Variants in CACNG5 observed in about 807,000 individuals in gnomAD.
The protein encoded by CACNG5 is voltage-dependent calcium channel gamma-5 subunit.
Under a neutral mutation model 24.8 loss-of-function variants are expected in CACNG5, and 18 were observed. That is an observed-to-expected ratio of 0.73 (90% confidence interval 0.50 to 1.08). The LOEUF (loss-of-function observed/expected upper bound fraction) is 1.08. CACNG5 is among the 50% of genes least tolerant of loss of function. CACNG5 has a pLI of 0.00. For synonymous variants in CACNG5, 157 were observed against 149.1 expected (o/e 1.05, Z -0.39); for missense variants, 349 against 367.9 (o/e 0.95, Z 0.42).
At chr17:66,846,583 T>G (rs989327697) in intron 1 of CACNG5, among the ~76,000 whole-genome samples, 1 of 152,244 alleles carries the variant, frequency 6.6e-6, no homozygotes, top group Non-Finnish European at 1.5e-5. Context: ...ATTTTATGGC[T>G]GGATAATATT....
rs150302406 is a variant in CACNG5, at chr17:66,885,224, C to T, written c.812C>T (p.Ser271Phe). 15 of 1,590,096 alleles carry T rather than the reference C, an allele frequency of 9.4e-6. No individual in the cohort carries two copies. In the African/African-American group the frequency reaches 1.3e-4, roughly 14 times the overall value. Residue 271 changes from serine (S) to phenylalanine (F), a missense_variant, in exon 6 of 6, where the codon TCC (serine) becomes TTC (phenylalanine). Coordinates refer to ENST00000533854, the MANE Select transcript of CACNG5 (RefSeq NM_145811.3). ...AAGTGCCCCGACTATGATCAGATGT[C>T]CTCTTCACCCTGCTGAGCCTCGGCC... Reference protein sequence around the residue: ...LLKCPDYDQMSSSPC With the variant: ...LLKCPDYDQMFSSPC
intron 1 of CACNG5, among the ~76,000 whole-genome samples, chr17:66,873,936 G>GTTTTTTTT: frequency 6.9e-6 from 1 of 144,526 alleles, no homozygotes. Context: ...CTCACAAGCT[G>GTTTTTTTT]TTTTTTTTTT....
Position 66,888,139 on chromosome 17 carries a change from C to A in CACNG5, c.*2899C>A, listed in dbSNP as rs1274721113. Among the ~76,000 whole-genome samples the A allele has an allele frequency of 2.0e-5, 3 of 149,888 alleles. No homozygotes were observed. The highest frequency in any genetic ancestry group is 4.9e-5 in the African/African-American group (2 of 40,720). On this transcript the variant is annotated 3_prime_UTR_variant, in exon 6 of 6. Coordinates refer to ENST00000533854, the MANE Select transcript of CACNG5 (RefSeq NM_145811.3). The stretch of plus-strand genomic sequence containing the variant: ...GGGGTAATCAGCCATTAACAGAGAA[C>A]AATCTGACATTGGTTCCCCCACACC...
intron 1 of CACNG5, among the ~76,000 whole-genome samples, chr17:66,868,639 T>C (rs988125045): frequency 6.6e-6 from 1 of 152,172 alleles, no homozygotes; most frequent in Non-Finnish European, 1.5e-5. Flanking sequence ...AGAGCAGGAC[T>C]GTAATGACAC....
At chr17:66,878,801 G>A (rs1471183479) in intron 2 of CACNG5, among the ~76,000 whole-genome samples, 171 bp from the exon 3 acceptor site, 1 of 152,200 alleles carries the variant, frequency 6.6e-6, no homozygotes, top group Non-Finnish European at 1.5e-5. Context: ...CTCCACCCCT[G>A]CTGTGGGCTA....
In CACNG5 at chr17:66,855,128, AC is replaced by A. The variant is rs1334092639; in HGVS notation, c.-104+19884del. ...ATAAAGCCCATTTCACCCCTTAAAC[AC>A]CCCCCAATACAGGGATCATGTTATT... On this transcript the variant is annotated intron_variant, in intron 1 of 5. Coordinates refer to ENST00000533854, the MANE Select transcript of CACNG5 (RefSeq NM_145811.3). Among the ~76,000 whole-genome samples the A allele has an allele frequency of 2.6e-5, 4 of 151,588 alleles. No individual in the cohort carries two copies. In the East Asian group the frequency reaches 7.7e-4, roughly 29 times the overall value.
chr17:66,856,943 C>G (rs969589661), intron 1 of CACNG5, among the ~76,000 whole-genome samples: 3 of 151,562 alleles, frequency 2.0e-5, no homozygotes, highest in Non-Finnish European at 4.4e-5. Context: ...TTATTTTTGT[C>G]ATTGCAAGAA....
intron 1 of CACNG5, among the ~76,000 whole-genome samples, chr17:66,872,042 T>G (rs1352649314): frequency 1.3e-5 from 2 of 152,188 alleles, no homozygotes; most frequent in African/African-American, 4.8e-5. Flanking sequence ...TTAGTTTTCT[T>G]CTCTGATTCT....
rs970445180 is a variant in CACNG5, at chr17:66,894,250, A to AC, written c.*9015dup. Among the ~76,000 whole-genome samples the AC allele has an allele frequency of 1.8e-4, 27 of 151,700 alleles. No individual in the cohort carries two copies. Among genetic ancestry groups the AC allele is most frequent in the African/African-American group, 6.5e-4 (27 of 41,354 alleles). ...CTCCAAGGACTCCTTTCAATCTGTC[A>AC]CCCCCTTGGGAGGATCCTGCACATC... On this transcript the variant is annotated 3_prime_UTR_variant, in exon 6 of 6. Coordinates refer to ENST00000533854, the MANE Select transcript of CACNG5 (RefSeq NM_145811.3).
chr17:66,883,143 C>T (rs780195190), intron 4 of CACNG5, among the ~76,000 whole-genome samples: 1 of 152,230 alleles, frequency 6.6e-6, no homozygotes, highest in Non-Finnish European at 1.5e-5. Flanking sequence ...GGAATGTTAT[C>T]AGCCCAGCTT....
At chr17:66,850,649 C>T (rs574338542) in intron 1 of CACNG5, among the ~76,000 whole-genome samples, 2 of 151,936 alleles carry the variant, frequency 1.3e-5, no homozygotes, top group South Asian at 4.2e-4. Context: ...AATTTGTGCT[C>T]ATTGCAGCAC....
chr17:66,855,291 C>T (rs779208512), intron 1 of CACNG5, among the ~76,000 whole-genome samples: 27 of 152,162 alleles, frequency 1.8e-4, no homozygotes, highest in Non-Finnish European at 2.8e-4. Context: ...AGCGGCTTTG[C>T]GGCAGGAATG....
chr17:66,860,332 C>T (rs1976836234), intron 1 of CACNG5, among the ~76,000 whole-genome samples: 1 of 152,058 alleles, frequency 6.6e-6, no homozygotes, highest in East Asian at 1.9e-4. Context: ...CTATGCCACA[C>T]CCAGACACAT....
At chr17:66,836,769 C>T (rs1043384622) in intron 1 of CACNG5, among the ~76,000 whole-genome samples, 22 of 152,196 alleles carry the variant, frequency 1.4e-4, no homozygotes, top group Admixed American at 1.3e-4. Flanking sequence ...TCCAGTTCAA[C>T]GGAAGATAGA....
intron 1 of CACNG5, among the ~76,000 whole-genome samples, chr17:66,846,198 T>C (rs1976636543): frequency 6.6e-6 from 1 of 152,242 alleles, no homozygotes; most frequent in South Asian, 2.1e-4. Context: ...AATCATATTC[T>C]TTGATATAAA....
chr17:66,874,881 C>G (rs962882616), intron 1 of CACNG5, among the ~76,000 whole-genome samples: 8 of 152,190 alleles, frequency 5.3e-5, no homozygotes, highest in African/African-American at 1.7e-4. Context: ...CTTGGTGTTT[C>G]AATTCCATTT....
intron 1 of CACNG5, among the ~76,000 whole-genome samples, chr17:66,869,812 G>A (rs559506209): frequency 2.4e-3 from 361 of 152,274 alleles, no homozygotes; most frequent in Middle Eastern, 0.01. Flanking sequence ...GGCTGGGGGC[G>A]GTGGCTCATG....
chr17:66,860,819 G>A lies in CACNG5; in HGVS notation c.-103-16411G>A, dbSNP rs193001798. Among the ~76,000 whole-genome samples, 10 of 151,818 alleles carry A rather than the reference G, an allele frequency of 6.6e-5. No homozygotes were observed. The East Asian group carries it at 1.9e-3, about 29-fold the overall frequency. On this transcript the variant is annotated intron_variant, in intron 1 of 5. Coordinates refer to ENST00000533854, the MANE Select transcript of CACNG5 (RefSeq NM_145811.3). Reference sequence around the variant, plus strand: ...TTTGAATGCAGCCCAACACAAATACGTAAACTTTCTTAAAACATTATATAA... The same window carrying A: ...TTTGAATGCAGCCCAACACAAATACATAAACTTTCTTAAAACATTATATAA...
At chr17:66,862,337 C>T (rs12942989) in intron 1 of CACNG5, among the ~76,000 whole-genome samples, 21,862 of 151,312 alleles carry the variant, frequency 0.14, 1,613 homozygotes, top group African/African-American at 0.17. Context: ...GGGCTACACA[C>T]GCCCAGCTAT....
Sources: allele counts gnomAD v4.1 joint callset (sites outside exome capture counted in the v4.1 genomes callset), GRCh38; gene constraint gnomAD v4.1.1; transcripts MANE v1.5; gene names NCBI Gene and HGNC (gene_info 2026-07-23, HGNC 2026-07-21).